DENND4C: variants seen among roughly 807,000 people sequenced by gnomAD.
The protein encoded by DENND4C is DENN domain containing 4C.
DENND4C carries 108 observed loss-of-function variants against 203.0 expected under a neutral mutation model. The ratio of observed to expected loss-of-function variants is 0.53; its 90% CI spans 0.46 to 0.62. The LOEUF is 0.62. Among genes scored for constraint, DENND4C ranks in the 20% least tolerant of loss-of-function variants. DENND4C has a pLI of 0.00. For synonymous variants in DENND4C, 871 were observed against 792.4 expected (o/e 1.10, Z -1.67); for missense variants, 2,481 against 2,301.2 (o/e 1.08, Z -1.60).
At position 19,300,180 on chromosome 9, in the gene DENND4C, T is replaced by A; in HGVS notation, c.1167-7T>A. 6.3e-7 allele frequency: 1 copy of A among 1,585,022 alleles called. No homozygotes were observed. The highest frequency in any genetic ancestry group is 1.1e-5 in the South Asian group (1 of 87,260). On this transcript the variant is annotated splice_region_variant and splice_polypyrimidine_tract_variant and intron_variant, in intron 8 of 32. Coordinates refer to ENST00000434457, the MANE Select transcript of DENND4C (RefSeq NM_001330640.2). ...CAATGATCTACTTTTCTCTTTTTTT[T>A]CCCTAGTGGAGCCAACTTTAGCACC...
At chr9:19,277,530 C>T (rs989850077) in intron 2 of DENND4C, among the ~76,000 whole-genome samples, 3 of 151,824 alleles carry the variant, frequency 2.0e-5, no homozygotes, top group African/African-American at 7.3e-5. Flanking sequence ...TGCAACTTTG[C>T]CGAATTTATT....
At chr9:19,334,521 T>G (rs1018519611) in intron 17 of DENND4C, among the ~76,000 whole-genome samples, 19 of 151,576 alleles carry the variant, frequency 1.3e-4, no homozygotes, top group Non-Finnish European at 2.5e-4. Flanking sequence ...TTTTGGGTTT[T>G]TTTTTTTTTT....
chr9:19,246,094 T>G (rs1379988306), intron 1 of DENND4C, among the ~76,000 whole-genome samples: 1 of 152,198 alleles, frequency 6.6e-6, no homozygotes, highest in Non-Finnish European at 1.5e-5. Context: ...TCCAATTATA[T>G]TGATTCATTT....
intron 21 of DENND4C, 76 bp downstream of exon 21, chr9:19,341,190 A>T (rs1821546715): frequency 2.5e-6 from 3 of 1,187,102 alleles, no homozygotes; most frequent in Non-Finnish European, 3.4e-6. Context: ...ATCTTAGTTG[A>T]TAGCTTTGAT....
chr9:19,251,170 G>C (rs912620551), intron 1 of DENND4C, among the ~76,000 whole-genome samples: 1 of 152,204 alleles, frequency 6.6e-6, no homozygotes, highest in Non-Finnish European at 1.5e-5. Context: ...AAATCTAGGC[G>C]GTGGTTCGCA....
chr9:19,325,269 G>A (rs956776745), intron 13 of DENND4C, among the ~76,000 whole-genome samples: 1 of 151,964 alleles, frequency 6.6e-6, no homozygotes, highest in Admixed American at 6.6e-5. Flanking sequence ...GTGGAAATAC[G>A]TTAAATTTTA....
At chr9:19,290,259 T>C (rs766975106) in intron 4 of DENND4C, among the ~76,000 whole-genome samples, 12 of 152,234 alleles carry the variant, frequency 7.9e-5, no homozygotes, top group Non-Finnish European at 1.5e-4. Flanking sequence ...TTTACACTGC[T>C]TCCCTCTTAA....
rs748054957 is a variant in DENND4C, at chr9:19,356,951, TC to T, written c.4782-15del. 1.2e-6 allele frequency: 2 copies of T among 1,604,776 alleles called. No individual in the cohort carries two copies. Among genetic ancestry groups the T allele is most frequent in the East Asian group, 2.2e-5 (1 of 44,800 alleles). On this transcript the variant is annotated intron_variant, in intron 26 of 32. Transcript: ENST00000434457. ...CTTGAGGATTTTTAAAGGCTCTTTT[TC>T]CCCCCTTTTCCTTATGTAGCTTTTT...
chr9:19,344,258 A>G (rs1297048318), intron 22 of DENND4C, among the ~76,000 whole-genome samples: 1 of 152,240 alleles, frequency 6.6e-6, no homozygotes, highest in Non-Finnish European at 1.5e-5. Flanking sequence ...GAAGGAAAAG[A>G]AAAACACAAA....
intron 1 of DENND4C, among the ~76,000 whole-genome samples, chr9:19,262,905 C>T (rs1829717189): frequency 6.6e-6 from 1 of 152,186 alleles, no homozygotes; most frequent in Non-Finnish European, 1.5e-5. Flanking sequence ...TTGACTAGTT[C>T]CTTTCCAATT....
intron 31 of DENND4C, among the ~76,000 whole-genome samples, chr9:19,370,611 T>G (rs939899949): frequency 6.6e-6 from 1 of 152,192 alleles, no homozygotes; most frequent in African/African-American, 2.4e-5. Context: ...TCAGGGCCTG[T>G]GATACCCACA....
chr9:19,324,327 A>T, intron 12 of DENND4C, 35 bp from the exon 13 acceptor site: 1 of 1,532,426 alleles, frequency 6.5e-7, no homozygotes, highest in Non-Finnish European at 8.8e-7. Context: ...ATTCCAGTTT[A>T]AAATTTGAAT....
intron 1 of DENND4C, among the ~76,000 whole-genome samples, chr9:19,239,762 A>G (rs1440843151): frequency 6.6e-6 from 1 of 152,182 alleles, no homozygotes; most frequent in Non-Finnish European, 1.5e-5. Context: ...CTGTGATTAC[A>G]GGCGTGAGCC....
At chr9:19,330,633 C>T (rs536756944) in intron 16 of DENND4C, among the ~76,000 whole-genome samples, 7 of 152,138 alleles carry the variant, frequency 4.6e-5, no homozygotes, top group African/African-American at 1.4e-4. Context: ...CTACCATGCC[C>T]AGCCCCAAGA....
At chr9:19,238,373 C>T (rs1363344969) in intron 1 of DENND4C, among the ~76,000 whole-genome samples, 4 of 151,274 alleles carry the variant, frequency 2.6e-5, no homozygotes, top group African/African-American at 4.9e-5. Flanking sequence ...TGAGCCACTG[C>T]GCCCAGCCTC....
intron 1 of DENND4C, among the ~76,000 whole-genome samples, chr9:19,274,996 A>T (rs1157022386): frequency 6.6e-6 from 1 of 152,132 alleles, no homozygotes. Flanking sequence ...TATTTTTTTG[A>T]GATGGAGTCT....
intron 18 of DENND4C, 152 bp downstream of exon 18, chr9:19,335,257 A>G (rs1274110695): frequency 2.5e-6 from 1 of 397,330 alleles, no homozygotes; most frequent in African/African-American, 2.1e-5. Flanking sequence ...CAAAAAGTAT[A>G]TATATTTATC....
Position 19,360,115 on chromosome 9 carries a change from C to T in DENND4C, c.5161-129C>T. On this transcript the variant is annotated intron_variant, in intron 28 of 32. Coordinates refer to ENST00000434457, the MANE Select transcript of DENND4C (RefSeq NM_001330640.2). Reference sequence around the variant, plus strand: ...AGGTTTTCATTCATTAGCATATTCTCTTGCATGTAGCAATGGTCCTAAAAT... The same window carrying T: ...AGGTTTTCATTCATTAGCATATTCTTTTGCATGTAGCAATGGTCCTAAAAT... The T allele has an allele frequency of 4.4e-6, 4 of 916,176 alleles. No individual in the cohort carries two copies. The South Asian group carries it at 4.9e-5, about 11-fold the overall frequency. 56.8% of individuals were successfully genotyped at this position (916,176 alleles called of 1,614,324 possible). A position where few individuals can be genotyped will look rare whatever the true frequency, so the allele number is the denominator to read the frequency against.
At chr9:19,342,571 A>T in intron 21 of DENND4C, 62 bp from the exon 22 acceptor site, 1 of 1,479,548 alleles carries the variant, frequency 6.8e-7, no homozygotes, top group Non-Finnish European at 9.0e-7. Flanking sequence ...AAAAGTCAAT[A>T]TATGGTTTCT....
Sources: allele counts gnomAD v4.1 joint callset (sites outside exome capture counted in the v4.1 genomes callset), GRCh38; gene constraint gnomAD v4.1.1; transcripts MANE v1.5; gene names NCBI Gene and HGNC (gene_info 2026-07-23, HGNC 2026-07-21).